HPRT1: variants seen among roughly 807,000 people sequenced by gnomAD.
HPRT1 encodes the protein hypoxanthine-guanine phosphoribosyltransferase.
HPRT1 carries 4 observed loss-of-function variants against 19.0 expected under a neutral mutation model. The ratio of observed to expected loss-of-function variants is 0.21; its 90% CI spans 0.10 to 0.48. HPRT1 has a LOEUF of 0.48. Among genes scored for constraint, HPRT1 ranks in the 20% least tolerant of loss-of-function variants. The pLI, the probability that HPRT1 is intolerant of heterozygous loss-of-function variation, is 0.98. For synonymous variants in HPRT1, 53 were observed against 54.9 expected (o/e 0.97, Z 0.15); for missense variants, 65 against 164.0 (o/e 0.40, Z 3.30).
chrX:134,499,249 C>T (rs928115111), intron 8 of HPRT1, among the ~76,000 whole-genome samples: 8 of 111,306 alleles, frequency 7.2e-5, no homozygotes, highest in African/African-American at 2.3e-4. Flanking sequence ...GAGGCCAAGC[C>T]GGACAGATCA....
chrX:134,486,777 G>T, intron 4 of HPRT1: 1 of 304,590 alleles, frequency 3.3e-6, no homozygotes. Flanking sequence ...ACTCTAATTT[G>T]GGATCCTTCA....
intron 5 of HPRT1, among the ~76,000 whole-genome samples, chrX:134,493,052 T>G (rs1484459817): frequency 8.9e-6 from 1 of 112,015 alleles, no homozygotes; most frequent in Non-Finnish European, 1.9e-5. Flanking sequence ...TACTTTTGAC[T>G]AAATAGCTGA....
chrX:134,477,356 C>T (rs986081920), intron 3 of HPRT1, among the ~76,000 whole-genome samples: 83 of 109,774 alleles, frequency 7.6e-4, no homozygotes, highest in Non-Finnish European at 1.4e-3. Context: ...CCACCGTGCC[C>T]GGCCGACATG....
rs180723913 is a variant in HPRT1 at position 134,491,951 on chromosome X, A to G, written c.403-1557A>G. Among the ~76,000 whole-genome samples, 370 of 100,667 alleles carry G rather than the reference A, an allele frequency of 3.7e-3. 3 individuals are homozygous for G. The highest frequency in any genetic ancestry group is 0.013 in the African/African-American group (352 of 27,538). The allele number at this position is 100,667 out of a possible 115,157, so 87.4% of individuals were successfully genotyped here. A position where few individuals can be genotyped will look rare whatever the true frequency, so the allele number is the denominator to read the frequency against. On this transcript the variant is annotated intron_variant, in intron 5 of 8. Coordinates refer to ENST00000298556, the MANE Select transcript of HPRT1 (RefSeq NM_000194.3). ...TATGTATATATGTGTGTGTGTGTAT[A>G]TATATATATACACACACATATATAA... is the stretch of plus-strand genomic sequence containing the variant.
intron 5 of HPRT1, among the ~76,000 whole-genome samples, chrX:134,492,308 G>A (rs73557339): frequency 0.014 from 1,485 of 109,186 alleles, 31 homozygotes; most frequent in African/African-American, 0.047. Flanking sequence ...TATTTTTTTT[G>A]AGAAATTAAA....
At chrX:134,486,797 G>A in intron 4 of HPRT1, 1 of 243,902 alleles carries the variant, frequency 4.1e-6, no homozygotes, top group Non-Finnish European at 7.5e-6. Context: ...AAAAAACATT[G>A]ATGGGGGAAA....
chrX:134,483,831 C>T (rs2077645901), intron 3 of HPRT1, among the ~76,000 whole-genome samples: 1 of 111,591 alleles, frequency 9.0e-6, no homozygotes, highest in Admixed American at 9.5e-5. Flanking sequence ...AATTAATATT[C>T]TTTATTAGCT....
intron 2 of HPRT1, among the ~76,000 whole-genome samples, chrX:134,473,725 A>T (rs1398185139): frequency 1.8e-5 from 2 of 112,020 alleles, no homozygotes; most frequent in Non-Finnish European, 3.8e-5. Context: ...CTCTAGCCAG[A>T]GTCTTGCATT....
chrX:134,498,358 G>A, intron 6 of HPRT1, 32 bp from the exon 7 acceptor site: 1 of 1,127,979 alleles, frequency 8.9e-7, no homozygotes. Flanking sequence ...TAGTCTCTCT[G>A]TATGTTATAT....
chrX:134,495,140 C>CTATA (rs1157323776), intron 6 of HPRT1, among the ~76,000 whole-genome samples: 2 of 105,560 alleles, frequency 1.9e-5, no homozygotes, highest in Non-Finnish European at 3.9e-5. Context: ...TATAAGTGGC[C>CTATA]TACTGTGATC....
chrX:134,491,172 C>A (rs377103), intron 5 of HPRT1, among the ~76,000 whole-genome samples: 1 of 109,264 alleles, frequency 9.2e-6, no homozygotes, highest in Non-Finnish European at 1.9e-5. Flanking sequence ...CATCACTCCC[C>A]ATTTCCCCTT....
At chrX:134,493,367 A>C in intron 5 of HPRT1, 141 bp from the exon 6 acceptor site, 1 of 515,272 alleles carries the variant, frequency 1.9e-6, no homozygotes, top group African/African-American at 2.3e-5. Flanking sequence ...GATGATATAG[A>C]TTCCAGAATA....
intron 8 of HPRT1, 98 bp from the exon 9 acceptor site, chrX:134,499,932 C>T (rs376498404): frequency 3.5e-6 from 2 of 578,694 alleles, no homozygotes; most frequent in Non-Finnish European, 6.0e-6. Context: ...TAGTAAGAAC[C>T]CTGACAACTA....
intron 7 of HPRT1, 56 bp from the exon 8 acceptor site, chrX:134,498,552 T>C (rs2077687528): frequency 9.9e-7 from 1 of 1,008,863 alleles, no homozygotes; most frequent in African/African-American, 1.9e-5. Context: ...TTTGCCAGTA[T>C]TAGATTTAAA....
rs1602745376 is a variant in HPRT1 at position 134,486,463 on chromosome X, A to G, written c.319-2A>G. On this transcript the variant is annotated splice_acceptor_variant, in intron 3 of 8. Transcript: ENST00000298556. LOFTEE classifies it high-confidence loss of function. The stretch of plus-strand genomic sequence containing the variant: ...TATATAGTTTTTTTTTTTTTTAACT[A>G]GAATGACCAGTCAACAGGGGACATA... 9.3e-7 allele frequency: 1 copy of G among 1,071,692 alleles called. No individual in the cohort carries two copies. Among genetic ancestry groups the G allele is most frequent in the Non-Finnish European group, 1.3e-6 (1 of 785,856 alleles). The allele number at this position is 1,071,692 out of a possible 1,213,427, so 88.3% of individuals were successfully genotyped here.
intron 2 of HPRT1, 23 bp downstream of exon 2, chrX:134,473,488 G>A: frequency 1.1e-6 from 1 of 942,617 alleles, no homozygotes; most frequent in Non-Finnish European, 1.5e-6. Context: ...TTAAAATGAG[G>A]TTTTTTACTT....
intron 1 of HPRT1, among the ~76,000 whole-genome samples, chrX:134,466,041 G>A (rs1399463341): frequency 9.2e-6 from 1 of 109,100 alleles, no homozygotes; most frequent in Non-Finnish European, 1.9e-5. Context: ...GATGGTATTT[G>A]GAGACAGGGC....
chrX:134,493,335 T>C (rs1223729882), intron 5 of HPRT1, among the ~76,000 whole-genome samples, 173 bp from the exon 6 acceptor site: 1 of 111,808 alleles, frequency 8.9e-6, no homozygotes, highest in African/African-American at 3.3e-5. Context: ...GGGCTGGCAT[T>C]CTTACTGCTT....
intron 1 of HPRT1, among the ~76,000 whole-genome samples, chrX:134,469,107 A>G (rs17881003): frequency 0.014 from 1,543 of 110,428 alleles, 16 homozygotes; most frequent in Non-Finnish European, 0.022. Context: ...GGTATAATGA[A>G]CCTGCACGTA....
Sources: allele counts gnomAD v4.1 joint callset (sites outside exome capture counted in the v4.1 genomes callset), GRCh38; gene constraint gnomAD v4.1.1; transcripts MANE v1.5; gene names NCBI Gene and HGNC (gene_info 2026-07-23, HGNC 2026-07-21).